CAST: variants seen among roughly 807,000 people sequenced by gnomAD.
CAST encodes the protein MIR583 host.
A neutral mutation model predicts 119.6 loss-of-function variants in CAST; 76 were observed. The observed-to-expected ratio is 0.64, with a 90% confidence interval of 0.53 to 0.77. CAST has a LOEUF of 0.77. Among genes scored for constraint, CAST ranks in the 30% least tolerant of loss-of-function variants. The pLI, the probability that CAST is intolerant of heterozygous loss-of-function variation, is 0.00. For synonymous variants in CAST, 319 were observed against 331.6 expected, an observed-to-expected ratio of 0.96 and a Z score of 0.41; for missense variants, 953 against 946.5, an observed-to-expected ratio of 1.01 and a Z score of -0.09.
the CAST span, among the ~76,000 whole-genome samples, chr5:96,516,333 T>C: frequency 2.0e-5 from 3 of 151,912 alleles, no homozygotes; most frequent in Non-Finnish European, 4.4e-5. Flanking sequence ...CCCACACTCC[T>C]GAATAACGTG....
the CAST span, among the ~76,000 whole-genome samples, chr5:96,211,983 T>C: frequency 2.6e-5 from 4 of 152,116 alleles, no homozygotes; most frequent in African/African-American, 7.2e-5. Context: ...ATATTCCCTG[T>C]TGTATTAGTA....
intron 12 of CAST, 82 bp downstream of exon 12, chr5:96,740,200 G>C: frequency 1.4e-6 from 1 of 709,742 alleles, no homozygotes; most frequent in Non-Finnish European, 2.4e-6. Flanking sequence ...ACAGTGTTTA[G>C]AAGTTAGAAA....
the CAST span, among the ~76,000 whole-genome samples, chr5:96,206,828 C>T: frequency 6.6e-6 from 1 of 152,040 alleles, no homozygotes; most frequent in East Asian, 1.9e-4. Flanking sequence ...ATAGTTTTCT[C>T]TAATTCTGTG....
chr5:96,627,446 G>T (rs956728387), intron 1 of CAST, among the ~76,000 whole-genome samples: 1 of 152,170 alleles, frequency 6.6e-6, no homozygotes, highest in South Asian at 2.1e-4. Flanking sequence ...ATAAATAATG[G>T]TGATGTTACA....
At chr5:96,118,057 C>T in the CAST span, among the ~76,000 whole-genome samples, 1 of 152,176 alleles carries the variant, frequency 6.6e-6, no homozygotes, top group Non-Finnish European at 1.5e-5. Context: ...GATACGTTTG[C>T]TGTAGTTGGA....
the CAST span, among the ~76,000 whole-genome samples, chr5:96,375,116 G>T: frequency 6.6e-6 from 1 of 152,138 alleles, no homozygotes. Flanking sequence ...GAATAATGGA[G>T]ATAAGAAATA....
At chr5:95,999,120 T>C in the CAST span, among the ~76,000 whole-genome samples, 2 of 152,122 alleles carry the variant, frequency 1.3e-5, no homozygotes, top group African/African-American at 4.8e-5. Context: ...TAAGACCCCA[T>C]GCCTATTTAT....
At chr5:96,639,589 A>G (rs976883962) in intron 1 of CAST, among the ~76,000 whole-genome samples, 1 of 152,226 alleles carries the variant, frequency 6.6e-6, no homozygotes, top group Non-Finnish European at 1.5e-5. Flanking sequence ...GCGGGGACAC[A>G]AGGGAGCTCG....
At chr5:96,599,917 T>C (rs1432210652) in intron 1 of CAST, among the ~76,000 whole-genome samples, 1 of 150,234 alleles carries the variant, frequency 6.7e-6, no homozygotes, top group East Asian at 2.0e-4. Context: ...AATTCCCACA[T>C]TTCCCCTTCT....
intron 22 of CAST, 148 bp from the exon 23 acceptor site, chr5:96,757,296 G>A: frequency 2.6e-6 from 2 of 771,910 alleles, no homozygotes; most frequent in Non-Finnish European, 4.4e-6. Context: ...ATATTCTCTG[G>A]TGAGAGAATC....
chr5:96,262,183 G>T, the CAST span, among the ~76,000 whole-genome samples: 4 of 152,164 alleles, frequency 2.6e-5, no homozygotes, highest in African/African-American at 9.7e-5. Flanking sequence ...AAACATTACT[G>T]TATAGTAAAA....
the CAST span, among the ~76,000 whole-genome samples, chr5:96,402,451 G>T: frequency 6.6e-6 from 1 of 152,152 alleles, no homozygotes; most frequent in Non-Finnish European, 1.5e-5. Flanking sequence ...GTGGAGAGAG[G>T]AGGGGAAACA....
the CAST span, among the ~76,000 whole-genome samples, chr5:96,279,177 A>G: frequency 1.9e-4 from 29 of 152,034 alleles, no homozygotes; most frequent in African/African-American, 6.5e-4. Context: ...GAAATCACAC[A>G]CTCTGCTCCA....
the CAST span, among the ~76,000 whole-genome samples, chr5:96,158,116 T>G: frequency 7.3e-6 from 1 of 137,198 alleles, no homozygotes; most frequent in Non-Finnish European, 1.5e-5. Flanking sequence ...AAAACTGGCC[T>G]AACAATGCAA....
intron 3 of CAST, chr5:96,703,048 C>A: frequency 1.7e-6 from 1 of 593,620 alleles, no homozygotes; most frequent in African/African-American, 2.0e-5. Flanking sequence ...GGGACGTGCG[C>A]TTTTCCTACT....
the CAST span, among the ~76,000 whole-genome samples, chr5:96,131,368 G>A: frequency 4.6e-5 from 7 of 151,732 alleles, no homozygotes; most frequent in African/African-American, 1.7e-4. Flanking sequence ...GTTAACATCA[G>A]TTATCACAGG....
At position 96,746,391 on chromosome 5, in the gene CAST, C is replaced by T; in HGVS notation, c.1250C>T (p.Thr417Ile). 6.2e-7 allele frequency: 1 copy of T among 1,612,108 alleles called. No homozygotes were observed. Among genetic ancestry groups the T allele is most frequent in the South Asian group, 1.1e-5 (1 of 91,048 alleles). ...KLEKCGEDDE[T>I]IPSEYRLKPA... ...GAGAAGTGTGGTGAGGATGATGAAA[C>T]AATCCCATCTGAGTACAGATTAAAA... The change falls in exon 17 of 32, where the codon ACA becomes ATA. Residue 417 changes from threonine (T) to isoleucine (I), a missense_variant. Thr to Ile is a moderately conservative substitution (Grantham distance 89). Transcript: ENST00000675179.
chr5:96,685,550 C>T (rs1356427460), intron 2 of CAST, among the ~76,000 whole-genome samples: 1 of 152,142 alleles, frequency 6.6e-6, no homozygotes, highest in Non-Finnish European at 1.5e-5. Context: ...AGAGCAAAAT[C>T]TCATGGCAAA....
In CAST at chr5:96,603,756, ACT is replaced by A. The variant is rs1228964337; in HGVS notation, c.61-71780_61-71779del. ...TACTGTACATCATTGTATGTGCTGTACTCTTTTTTTTTTTTTTTTTTTTTTTT... is the reference window on the plus strand; with the variant it reads ...TACTGTACATCATTGTATGTGCTGTACTTTTTTTTTTTTTTTTTTTTTTTT... On this transcript the variant is annotated intron_variant, in intron 1 of 11. Transcript: ENST00000505143. Among the ~76,000 whole-genome samples the A allele has an allele frequency of 8.7e-5, 11 of 126,500 alleles. No homozygotes were observed. The East Asian group carries it at 2.3e-3, about 26-fold the overall frequency. The allele number at this position is 126,500 out of a possible 152,430, so 83.0% of individuals were successfully genotyped here. A position where few individuals can be genotyped will look rare whatever the true frequency, so the allele number is the denominator to read the frequency against.
Sources: gnomAD v4.1 joint callset for allele counts (sites outside exome capture counted in the v4.1 genomes callset) on GRCh38, gnomAD v4.1.1 for gene constraint, MANE v1.5 for transcripts, NCBI Gene and HGNC (gene_info 2026-07-23, HGNC 2026-07-21) for gene names.